The following CTDP1 variants were observed in gnomAD, a reference collection of about 807,000 sequenced individuals.
CTDP1 encodes the protein RNA polymerase II subunit A C-terminal domain phosphatase.
A neutral mutation model predicts 91.8 loss-of-function variants in CTDP1; 47 were observed. The ratio of observed to expected loss-of-function variants is 0.51; its 90% confidence interval spans 0.41 to 0.65. CTDP1 has a LOEUF of 0.65. Among genes scored for constraint, CTDP1 ranks in the 30% least tolerant of loss-of-function variants. CTDP1 has a pLI of 0.00. For missense variants in CTDP1, 1,272 were observed against 1,373.7 expected (o/e 0.93, Z 1.17); for synonymous variants, 656 against 598.5 (o/e 1.10, Z -1.40).
chr18:79,713,222 C>A lies in CTDP1; in HGVS notation c.1030+84C>A. On this transcript the variant is annotated intron_variant, in intron 7 of 12. Transcript: ENST00000613122. This position sits in a 1 kb window ranked among gnomAD's most constrained non-coding sequence, Gnocchi z 4.7. ...TTCTTATTTCTTATCTCTGTTTTGA[C>A]TGCTATAAATTCAAGATACACTTTT... The A allele has an allele frequency of 1.5e-6, 2 of 1,348,056 alleles. No homozygotes were observed. Among genetic ancestry groups the A allele is most frequent in the Non-Finnish European group, 2.1e-6 (2 of 960,032 alleles). The allele number at this position is 1,348,056 out of a possible 1,614,324, so 83.5% of individuals were successfully genotyped here. A position where few individuals can be genotyped will look rare whatever the true frequency, so the allele number is the denominator to read the frequency against.
intron 1 of CTDP1, among the ~76,000 whole-genome samples, chr18:79,684,030 C>T (rs971310190): frequency 6.6e-6 from 1 of 152,272 alleles, no homozygotes; most frequent in South Asian, 2.1e-4. Flanking sequence ...AGCATTAAAT[C>T]TGCTGAACTG....
At chr18:79,737,551 C>G (rs929868386) in intron 12 of CTDP1, among the ~76,000 whole-genome samples, 7 of 152,072 alleles carry the variant, frequency 4.6e-5, no homozygotes, top group Admixed American at 3.9e-4. Context: ...TGGGGAGGAG[C>G]CGGTTTGCTT....
chr18:79,753,205 A>G (rs950481284), intron 12 of CTDP1, among the ~76,000 whole-genome samples: 8 of 152,262 alleles, frequency 5.3e-5, no homozygotes, highest in Non-Finnish European at 1.2e-4. Flanking sequence ...TTTGTTTATT[A>G]AGAGTCATTT....
intron 4 of CTDP1, chr18:79,703,466 C>G (rs1042451867): frequency 6.6e-6 from 1 of 152,226 alleles, no homozygotes; most frequent in Non-Finnish European, 1.5e-5. Flanking sequence ...GCTCATTTCA[C>G]TGTCTACTAA....
chr18:79,745,227 TG>T (rs1470088763), intron 12 of CTDP1, among the ~76,000 whole-genome samples: 1 of 152,024 alleles, frequency 6.6e-6, no homozygotes, highest in African/African-American at 2.4e-5. Flanking sequence ...CGTGTTTGAC[TG>T]GATTGTGCGT....
intron 4 of CTDP1, among the ~76,000 whole-genome samples, chr18:79,704,458 G>A (rs1415550644): frequency 2.6e-5 from 4 of 151,498 alleles, no homozygotes; most frequent in Non-Finnish European, 4.4e-5. Context: ...ACACGCACAC[G>A]TGTCCTCTGT....
At chr18:79,739,402 G>T (rs1188316263) in intron 12 of CTDP1, among the ~76,000 whole-genome samples, 1 of 151,580 alleles carries the variant, frequency 6.6e-6, no homozygotes, top group Non-Finnish European at 1.5e-5. Flanking sequence ...CTGGGTTTTT[G>T]TGGTTTTTTT....
chr18:79,715,585 C>T (rs564610662), intron 8 of CTDP1, 57 bp downstream of exon 8: 8 of 1,490,650 alleles, frequency 5.4e-6, no homozygotes, highest in South Asian at 2.4e-5. Flanking sequence ...TCCTTGCAGG[C>T]ACTCCTTAGA....
At chr18:79,696,748 C>T (rs972303117) in intron 3 of CTDP1, among the ~76,000 whole-genome samples, 5 of 152,270 alleles carry the variant, frequency 3.3e-5, no homozygotes, top group East Asian at 3.9e-4. Flanking sequence ...TTTTTATCTT[C>T]GAGTGCTACG....
At chr18:79,711,989 G>A (rs377229052) in intron 6 of CTDP1, among the ~76,000 whole-genome samples, 6,209 of 151,984 alleles carry the variant, frequency 0.041, 201 homozygotes, top group South Asian at 0.16. Context: ...GTTCTCGGTG[G>A]CCAGTCCCCA....
intron 6 of CTDP1, among the ~76,000 whole-genome samples, chr18:79,712,085 G>A (rs1275385457): frequency 7.7e-6 from 1 of 130,074 alleles, no homozygotes; most frequent in Non-Finnish European, 1.7e-5. Context: ...TTGCTAGTTA[G>A]CGCCAGAGTG....
rs181459345 is a variant in CTDP1 at position 79,710,283 on chromosome 18, C to T, written c.773-63C>T. The T allele has an allele frequency of 5.6e-4, 709 of 1,269,510 alleles. 4 individuals are homozygous for T. The highest frequency in any genetic ancestry group is 5.4e-3 in the African/African-American group (372 of 68,258). 78.6% of individuals were successfully genotyped at this position (1,269,510 alleles called of 1,614,324 possible). On this transcript the variant is annotated intron_variant, in intron 5 of 12. Coordinates refer to ENST00000613122, the MANE Select transcript of CTDP1 (RefSeq NM_004715.5). ...TTAAAAAAAACATTCAAGGCTTCACCATGTGCCGTGTGACCGAAACGTGTC... is the reference window on the plus strand; with the variant it reads ...TTAAAAAAAACATTCAAGGCTTCACTATGTGCCGTGTGACCGAAACGTGTC...
chr18:79,729,197 T>C, intron 11 of CTDP1, 128 bp downstream of exon 11: 1 of 1,231,468 alleles, frequency 8.1e-7, no homozygotes, highest in Non-Finnish European at 1.2e-6. Flanking sequence ...TGTGTAGTTG[T>C]GTCTGGTTTG....
intron 4 of CTDP1, among the ~76,000 whole-genome samples, chr18:79,701,354 C>T (rs926208932): frequency 1.3e-5 from 2 of 151,608 alleles, no homozygotes; most frequent in Non-Finnish European, 2.9e-5. Flanking sequence ...ACTAAAAATA[C>T]AAAAAATTAG....
At position 79,680,239 on chromosome 18, in the gene CTDP1, C is replaced by T. The variant is rs1212468255; in HGVS notation, c.292C>T (p.Pro98Ser). 3.0e-6 allele frequency: 4 copies of T among 1,312,288 alleles called. No homozygotes were observed. The highest frequency in any genetic ancestry group is 2.9e-4 in the Middle Eastern group (1 of 3,460). The allele number at this position is 1,312,288 out of a possible 1,614,324, so 81.3% of individuals were successfully genotyped here. Reference protein sequence around the residue: ...AGVVRELCAQPGQVVAPGAVL... With the variant: ...AGVVRELCAQSGQVVAPGAVL... ...CGTGGTGCGGGAGCTGTGCGCGCAG[C>T]CGGGCCAGGTGGTCGCCCCAGGGTG... The change falls in exon 1 of 13, where the codon CCG (proline) becomes TCG (serine). Residue 98 changes from proline to serine, a missense_variant. Transcript: ENST00000613122.
chr18:79,682,194 A>G (rs918068692), intron 1 of CTDP1, among the ~76,000 whole-genome samples: 7 of 152,110 alleles, frequency 4.6e-5, no homozygotes, highest in Admixed American at 3.9e-4. Context: ...TCCAGATGAC[A>G]CTGCCCTGGC....
intron 4 of CTDP1, among the ~76,000 whole-genome samples, chr18:79,701,519 AAT>A (rs1222048482): frequency 8.6e-6 from 1 of 115,822 alleles, no homozygotes; most frequent in Non-Finnish European, 1.7e-5. Flanking sequence ...CAAAAAAAAT[AAT>A]AAATAAATTA....
In CTDP1 at chr18:79,700,250, C is replaced by T. The variant is rs149418047; in HGVS notation, c.621+2262C>T. Among the ~76,000 whole-genome samples the T allele has an allele frequency of 6.0e-3, 913 of 152,262 alleles. 12 individuals carry two copies. Among genetic ancestry groups the T allele is most frequent in the African/African-American group, 0.02 (842 of 41,536 alleles). On this transcript the variant is annotated intron_variant, in intron 4 of 12. Coordinates refer to ENST00000613122, the MANE Select transcript of CTDP1 (RefSeq NM_004715.5). ...CTCTCACTTTAAATCAAAAGGTAGA[C>T]GTGATTATGCTTAGTGAGGAATGCA...
chr18:79,693,885 G>A (rs368488698), intron 1 of CTDP1, among the ~76,000 whole-genome samples: 3 of 142,008 alleles, frequency 2.1e-5, no homozygotes, highest in East Asian at 4.1e-4. Context: ...CTACAGACCC[G>A]CCCCTCCGCT....
Sources: gnomAD v4.1 joint callset for allele counts (sites outside exome capture counted in the v4.1 genomes callset) on GRCh38, gnomAD v4.1.1 for gene constraint, Gnocchi (gnomAD v3.1) non-coding constraint, MANE v1.5 for transcripts, NCBI Gene and HGNC (gene_info 2026-07-23, HGNC 2026-07-21) for gene names.